Variants in CXXC1 observed in about 807,000 individuals in gnomAD.
CXXC1 encodes CXXC-type zinc finger protein 1.
In CXXC1, 21 loss-of-function variants were observed where a neutral mutation model predicts 83.6. That is an observed-to-expected ratio of 0.25 (90% CI 0.18 to 0.36). The LOEUF (loss-of-function observed/expected upper bound fraction) is 0.36, where lower values mean the gene tolerates loss of function less well. Among genes scored for constraint, CXXC1 ranks in the 10% least tolerant of loss-of-function variants. CXXC1 has a pLI of 1.00. For synonymous variants in CXXC1, 371 were observed against 337.5 expected, an observed-to-expected ratio of 1.10 and a Z score of -1.09; for missense variants, 688 against 919.5, an observed-to-expected ratio of 0.75 and a Z score of 3.26.
chr18:50,285,503 C>T lies in CXXC1; in HGVS notation c.640-152G>A. ...AATGCTCAGCCCTGCCTGATCTGTA[C>T]CAACATGCATGACCACCTGAAAACA... On this transcript the variant is annotated intron_variant, in intron 5 of 14. Transcript: ENST00000285106. This position sits in a 1 kb window ranked among gnomAD's most constrained non-coding sequence, Gnocchi z 4.4. 1 of 1,095,600 alleles carries T rather than the reference C, an allele frequency of 9.1e-7. No individual in the cohort carries two copies. Among genetic ancestry groups the T allele is most frequent in the Non-Finnish European group, 1.3e-6 (1 of 773,968 alleles). 67.9% of individuals were successfully genotyped at this position (1,095,600 alleles called of 1,614,324 possible).
chr18:50,283,485 C>G (rs370006687), intron 12 of CXXC1, 30 bp downstream of exon 12: 13 of 1,613,448 alleles, frequency 8.1e-6, no homozygotes, highest in Non-Finnish European at 1.1e-5. Flanking sequence ...CTTAACCCCC[C>G]ACCTCTCACT....
chr18:50,285,593 T>C lies in CXXC1; in HGVS notation c.639+156A>G. On this transcript the variant is annotated intron_variant, in intron 5 of 14. Coordinates refer to ENST00000285106, the MANE Select transcript of CXXC1 (RefSeq NM_014593.4). This position sits in a 1 kb window ranked among gnomAD's most constrained non-coding sequence, Gnocchi z 4.4. ...TCTGCCAGCCCAGCATACCAGGTCA[T>C]GCCCCATTCATCTGGACATGACAGG... The C allele has an allele frequency of 2.8e-6, 3 of 1,069,800 alleles. No individual in the cohort carries two copies. Among genetic ancestry groups the C allele is most frequent in the Non-Finnish European group, 4.0e-6 (3 of 741,894 alleles). The allele number at this position is 1,069,800 out of a possible 1,614,324, so 66.3% of individuals were successfully genotyped here.
At position 50,286,774 on chromosome 18, in the gene CXXC1, T is replaced by C. The variant is rs753686296; in HGVS notation, c.88A>G (p.Ile30Val). The change falls in exon 2 of 15, where the codon ATC becomes GTC. Residue 30 changes from isoleucine to valine, a missense_variant. Around this residue, in one of 9 missense-constraint regions of CXXC1, gnomAD observed 51 missense variants for 48.0 expected, o/e 1.06. Transcript: ENST00000285106. ...ENGENAPIYC[I>V]CRKPDINCFM... is the part of the protein sequence containing the mutation. The stretch of plus-strand genomic sequence containing the variant: ...CAGTTGATGTCCGGTTTGCGGCAGA[T>C]GCAGTAGATGGGCGCATTCTCCCCA... The C allele has an allele frequency of 9.9e-6, 16 of 1,614,144 alleles. 1 individual carries two copies. The highest frequency in any genetic ancestry group is 9.9e-5 in the South Asian group (9 of 91,084).
In CXXC1 at chr18:50,287,669, G is replaced by A; in HGVS notation, c.-80C>T. The A allele has an allele frequency of 6.3e-7, 1 of 1,588,432 alleles. No homozygotes were observed. Among genetic ancestry groups the A allele is most frequent in the Non-Finnish European group, 8.5e-7 (1 of 1,169,660 alleles). ...CACAGACCACTCGGCGGCGTCCCAG[G>A]CGGTTGCAAAGGCGCCCACAACTAC... On this transcript the variant is annotated 5_prime_UTR_variant, in exon 1 of 15. Coordinates refer to ENST00000285106, the MANE Select transcript of CXXC1 (RefSeq NM_014593.4).
At chr18:50,287,502 C>A in intron 1 of CXXC1, 85 bp downstream of exon 1, 2 of 1,523,490 alleles carry the variant, frequency 1.3e-6, no homozygotes, top group Non-Finnish European at 9.1e-7. Context: ...TGGCTCACCA[C>A]AGACCCCTGA....
chr18:50,286,504 C>T (rs1185940149), intron 3 of CXXC1, 35 bp downstream of exon 3: 2 of 1,576,950 alleles, frequency 1.3e-6, no homozygotes, highest in Non-Finnish European at 1.7e-6. Flanking sequence ...CCCTTGAAGC[C>T]CCACCTGCCT....
At position 50,286,796 on chromosome 18, in the gene CXXC1, C is replaced by T. The variant is rs369104705; in HGVS notation, c.66G>A (p.Gly22=). 6.2e-6 allele frequency: 10 copies of T among 1,614,040 alleles called. No individual in the cohort carries two copies. The African/African-American group carries it at 1.3e-4, about 22-fold the overall frequency. Residue 22 remains glycine, a synonymous_variant, in exon 2 of 15, where the codon GGG becomes GGA. Coordinates refer to ENST00000285106, the MANE Select transcript of CXXC1 (RefSeq NM_014593.4). The part of the protein sequence containing the change: ...DAGEDSKSEN[G]ENAPIYCICR... The stretch of plus-strand genomic sequence containing the variant: ...AGATGCAGTAGATGGGCGCATTCTC[C>T]CCATTCTCGGACTTGCTGTCCTCCC...
Position 50,285,719 on chromosome 18 carries a change from C to T in CXXC1, c.639+30G>A. ...CATGGACCCACCAGCTCTCCCACAC[C>T]TGACCCTACCCAGCTCTGTCCATGC... On this transcript the variant is annotated intron_variant, in intron 5 of 14. Coordinates refer to ENST00000285106, the MANE Select transcript of CXXC1 (RefSeq NM_014593.4). This position sits in a 1 kb window ranked among gnomAD's most constrained non-coding sequence, Gnocchi z 4.4. The T allele has an allele frequency of 6.2e-7, 1 of 1,606,488 alleles. No individual in the cohort carries two copies. Among genetic ancestry groups the T allele is most frequent in the South Asian group, 1.1e-5 (1 of 90,848 alleles).
chr18:50,286,042 A>T lies in CXXC1; in HGVS notation c.439T>A (p.Leu147Met), dbSNP rs759006731. Residue 147 changes from leucine (L) to methionine (M), a missense_variant, in exon 4 of 15, where the codon TTG (leucine) becomes ATG (methionine). Transcript: ENST00000285106. ...CTCACCTGGCTGGGTGTGGCCACCA[A>T]GGGCTGCGGAGAGGATTTGTGGGGC... is the stretch of plus-strand genomic sequence containing the variant. The part of the protein sequence containing the change: ...ASPHKSSPQP[L>M]VATPSQHHQQ... 4.3e-6 allele frequency: 7 copies of T among 1,613,842 alleles called. No homozygotes were observed. The highest frequency in any genetic ancestry group is 5.9e-6 in the Non-Finnish European group (7 of 1,179,826).
In CXXC1 at chr18:50,286,158, C is replaced by A; in HGVS notation, c.323G>T (p.Gly108Val). 1.2e-6 allele frequency: 2 copies of A among 1,613,962 alleles called. No individual in the cohort carries two copies. The highest frequency in any genetic ancestry group is 2.2e-5 in the South Asian group (2 of 91,078). ...DSSEPRDEGG[G>V]RKRPVPDPDL... ...TGGATCAGGGACAGGCCTCTTGCGC[C>A]CTCCACCCTCATCCCGGGGCTCACT... Residue 108 changes from glycine (G) to valine (V), a missense_variant, in exon 4 of 15, where the codon GGG becomes GTG. By Grantham distance (109) the Gly-to-Val change is moderately radical. This residue lies in a region of CXXC1 where 142 missense variants were observed against 150.7 expected (regional missense o/e 0.94). Transcript: ENST00000285106.
chr18:50,283,468 C>A (rs754155057), intron 12 of CXXC1, 47 bp downstream of exon 12: 6 of 1,598,364 alleles, frequency 3.8e-6, no homozygotes, highest in Admixed American at 3.3e-5. Context: ...CCACTTCTGA[C>A]CCCCGCCTTA....
chr18:50,286,421 T>C (rs1315536506), intron 3 of CXXC1, 118 bp downstream of exon 3: 22 of 1,068,380 alleles, frequency 2.1e-5, no homozygotes, highest in East Asian at 7.1e-5. Flanking sequence ...TTACTCACAA[T>C]GGAGCCCCAT....
chr18:50,285,320 C>A lies in CXXC1; in HGVS notation c.666+5G>T. On this transcript the variant is annotated splice_donor_5th_base_variant and intron_variant, in intron 6 of 14. Transcript: ENST00000285106. The surrounding 1 kb of genome is among the most constrained non-coding windows in gnomAD (Gnocchi z 4.4). ...CCCCACCCCACCCTGGGGGGCTGGA[C>A]TCACCGAGGAAGGGAAGTACTTGTA... The A allele has an allele frequency of 6.2e-7, 1 of 1,605,480 alleles. No individual in the cohort carries two copies. The highest frequency in any genetic ancestry group is 1.1e-5 in the South Asian group (1 of 89,926).
intron 9 of CXXC1, 136 bp downstream of exon 9, chr18:50,284,242 G>A (rs780621181): frequency 2.1e-6 from 3 of 1,443,250 alleles, no homozygotes; most frequent in African/African-American, 1.4e-5. Flanking sequence ...AGGTGGGTGG[G>A]TAGGTGGATG....
chr18:50,286,432 T>G, intron 3 of CXXC1, 107 bp downstream of exon 3: 1 of 1,110,030 alleles, frequency 9.0e-7, no homozygotes, highest in African/African-American at 1.5e-5. Flanking sequence ...GGAGCCCCAT[T>G]CCAGCTCACC....
intron 13 of CXXC1, 73 bp downstream of exon 13, chr18:50,283,188 GAGGA>G (rs1045171125): frequency 3.7e-5 from 50 of 1,350,424 alleles, no homozygotes; most frequent in Non-Finnish European, 4.8e-5. Context: ...AAAGTGAGGT[GAGGA>G]AGGAAGGGAT....
At chr18:50,287,113 T>G (rs2040727115) in intron 1 of CXXC1, 1 of 544,324 alleles carries the variant, frequency 1.8e-6, no homozygotes, top group African/African-American at 1.9e-5. Context: ...TAATGGGTCA[T>G]GGCGACCCTC....
intron 11 of CXXC1, 38 bp from the exon 12 acceptor site, chr18:50,283,602 T>G: frequency 6.2e-7 from 1 of 1,612,532 alleles, no homozygotes; most frequent in Non-Finnish European, 8.5e-7. Flanking sequence ...ACTGTGGATG[T>G]GCGCTGCATG....
In CXXC1 at chr18:50,285,499, T is replaced by C. The variant is rs1319666408; in HGVS notation, c.640-148A>G. 4 of 1,089,110 alleles carry C rather than the reference T, an allele frequency of 3.7e-6. No homozygotes were observed. Among genetic ancestry groups the C allele is most frequent in the South Asian group, 1.6e-5 (1 of 61,288 alleles). 67.5% of individuals were successfully genotyped at this position (1,089,110 alleles called of 1,614,324 possible). ...CAGGAATGCTCAGCCCTGCCTGATC[T>C]GTACCAACATGCATGACCACCTGAA... On this transcript the variant is annotated intron_variant, in intron 5 of 14. Coordinates refer to ENST00000285106, the MANE Select transcript of CXXC1 (RefSeq NM_014593.4). This position sits in a 1 kb window ranked among gnomAD's most constrained non-coding sequence, Gnocchi z 4.4.
Sources: allele counts gnomAD v4.1 joint callset, GRCh38; gene constraint gnomAD v4.1.1; regional missense constraint gnomAD v4.1.1; non-coding constraint Gnocchi (gnomAD v3.1); transcripts MANE v1.5; gene names NCBI Gene and HGNC (gene_info 2026-07-23, HGNC 2026-07-21).